C9orf85: variants seen among roughly 807,000 people sequenced by gnomAD.
The protein encoded by C9orf85 is chromosome 9 open reading frame 85, also known as uncharacterized protein C9orf85.
A neutral mutation model predicts 14.9 loss-of-function variants in C9orf85; 16 were observed. The ratio of observed to expected loss-of-function variants is 1.08; its 90% CI spans 0.73 to 1.63. The LOEUF is 1.63. Ranked by LOEUF, C9orf85 falls within the 40% of genes most tolerant of loss-of-function variation. C9orf85 has a pLI of 0.00. For missense variants in C9orf85, 172 were observed against 186.1 expected (o/e 0.92, Z 0.44); for synonymous variants, 45 against 56.8 (o/e 0.79, Z 0.93).
At chr9:71,970,519 T>A (rs1822830754) in intron 2 of C9orf85, among the ~76,000 whole-genome samples, 2 of 152,186 alleles carry the variant, frequency 1.3e-5, no homozygotes, top group African/African-American at 4.8e-5. Context: ...ATTTCCACTA[T>A]TTTGCCTGTA....
At position 71,958,264 on chromosome 9, in the gene C9orf85, A is replaced by G. The variant is rs928208311; in HGVS notation, c.209+11152A>G. Among the ~76,000 whole-genome samples the G allele has an allele frequency of 1.7e-4, 4 of 24,062 alleles. No individual in the cohort carries two copies. In the South Asian group the frequency reaches 8.7e-3, roughly 52 times the overall value. The allele number at this position is 24,062 out of a possible 152,430, so 15.8% of individuals were successfully genotyped here. On this transcript the variant is annotated intron_variant, in intron 2 of 3. Coordinates refer to ENST00000334731, the MANE Select transcript of C9orf85 (RefSeq NM_182505.5). ...ATATTTTTTATATTTTTATATATATAAATTTTTTTTTTTTTGAGACGGAGT... is the reference window on the plus strand; with the variant it reads ...ATATTTTTTATATTTTTATATATATGAATTTTTTTTTTTTTGAGACGGAGT...
At chr9:71,958,953 A>T (rs148873541) in intron 2 of C9orf85, among the ~76,000 whole-genome samples, 152 of 152,302 alleles carry the variant, frequency 1.0e-3, no homozygotes, top group African/African-American at 3.5e-3. Context: ...GTGTATGCAC[A>T]TTAAGTAAAT....
intron 1 of C9orf85, among the ~76,000 whole-genome samples, chr9:71,933,956 T>C (rs1332296934): frequency 6.6e-6 from 1 of 152,198 alleles, no homozygotes; most frequent in East Asian, 1.9e-4. Flanking sequence ...ATGACCTGTG[T>C]GCTCCCATTT....
At chr9:71,913,007 C>T (rs1564079670) in intron 1 of C9orf85, among the ~76,000 whole-genome samples, 1 of 152,142 alleles carries the variant, frequency 6.6e-6, no homozygotes, top group East Asian at 1.9e-4. Flanking sequence ...CTCAGATAAA[C>T]CTAATATTCA....
chr9:71,930,546 A>G (rs935150603), intron 1 of C9orf85, among the ~76,000 whole-genome samples: 3 of 151,684 alleles, frequency 2.0e-5, no homozygotes, highest in Admixed American at 6.6e-5. Flanking sequence ...TGTAATCCCA[A>G]CACTTTGGGA....
intron 1 of C9orf85, among the ~76,000 whole-genome samples, chr9:71,926,837 T>C (rs10781050): frequency 0.9 from 137,247 of 151,818 alleles, 63,511 homozygotes; most frequent in East Asian, 1. Flanking sequence ...AAATTTGATA[T>C]TTGGAGGCTC....
At chr9:71,976,452 G>A (rs574750773), downstream of C9orf85, among the ~76,000 whole-genome samples, 2 of 152,254 alleles carry the variant, frequency 1.3e-5, no homozygotes, top group South Asian at 4.1e-4. Context: ...CACGAGGTCA[G>A]GAGATCGAGA....
intron 1 of C9orf85, among the ~76,000 whole-genome samples, chr9:71,944,152 T>C (rs1440060877): frequency 6.6e-6 from 1 of 151,346 alleles, no homozygotes; most frequent in Non-Finnish European, 1.5e-5. Flanking sequence ...GAGGATTGCA[T>C]GAACCCAGGA....
intron 1 of C9orf85, among the ~76,000 whole-genome samples, chr9:71,946,665 C>T (rs370412406): frequency 1.3e-4 from 20 of 151,776 alleles, no homozygotes; most frequent in South Asian, 4.2e-4. Context: ...TGGTGGCACG[C>T]GCCTGTAATC....
At chr9:71,953,821 A>G (rs541348907) in intron 2 of C9orf85, among the ~76,000 whole-genome samples, 2 of 152,236 alleles carry the variant, frequency 1.3e-5, no homozygotes, top group South Asian at 4.2e-4. Context: ...GGAGGGAGGC[A>G]GGCACAGTCG....
chr9:71,911,712 G>A lies in C9orf85; in HGVS notation c.-23G>A, dbSNP rs1415549953. ...CCTCATCCTTTTGCCTGCTCCCGGC[G>A]AGGGGTGGCTTTGATTTCGGCGATG... On this transcript the variant is annotated 5_prime_UTR_variant, in exon 1 of 4. Transcript: ENST00000334731. 24 of 1,608,508 alleles carry A rather than the reference G, an allele frequency of 1.5e-5. No homozygotes were observed. The highest frequency in any genetic ancestry group is 2.0e-5 in the Non-Finnish European group (24 of 1,175,014).
At chr9:71,946,788 T>C (rs571157210) in intron 1 of C9orf85, among the ~76,000 whole-genome samples, 52 of 147,452 alleles carry the variant, frequency 3.5e-4, no homozygotes, top group African/African-American at 1.3e-3. Context: ...AGTGAGACTC[T>C]GTCTCAAAAA....
chr9:71,955,818 G>A (rs1026784305), intron 2 of C9orf85, among the ~76,000 whole-genome samples: 2 of 152,138 alleles, frequency 1.3e-5, no homozygotes, highest in African/African-American at 2.4e-5. Flanking sequence ...AGGTACCTGA[G>A]GAATAATGTA....
chr9:71,944,590 G>T (rs1234383916), intron 1 of C9orf85, among the ~76,000 whole-genome samples: 1 of 151,988 alleles, frequency 6.6e-6, no homozygotes, highest in Non-Finnish European at 1.5e-5. Flanking sequence ...CCAAAATAGG[G>T]TTAATTGTAA....
intron 2 of C9orf85, among the ~76,000 whole-genome samples, chr9:71,971,152 G>A (rs1221741030): frequency 6.6e-6 from 1 of 152,220 alleles, no homozygotes; most frequent in South Asian, 2.1e-4. Flanking sequence ...CAGTGTATTG[G>A]TCTTGCACTT....
chr9:71,973,010 T>C lies in C9orf85; in HGVS notation c.*168T>C. On this transcript the variant is annotated 3_prime_UTR_variant, in exon 4 of 4. Transcript: ENST00000334731. The stretch of plus-strand genomic sequence containing the variant: ...AGTACAAAAAATTAGCTGGGCGTGG[T>C]GGCTCATGCCTGTAATCCCAGCTAC... 1 of 357,828 alleles carries C rather than the reference T, an allele frequency of 2.8e-6. No individual in the cohort carries two copies. Among genetic ancestry groups the C allele is most frequent in the East Asian group, 5.4e-5 (1 of 18,634 alleles). 22.2% of individuals were successfully genotyped at this position (357,828 alleles called of 1,614,324 possible).
At chr9:71,921,928 T>TTATTA (rs1554705990) in intron 1 of C9orf85, among the ~76,000 whole-genome samples, 423 of 113,862 alleles carry the variant, frequency 3.7e-3, no homozygotes, top group African/African-American at 0.012. Context: ...TTATTTTTTT[T>TTATTA]TTATTATTAT....
At chr9:71,975,039 A>G (rs1196256002), downstream of C9orf85, among the ~76,000 whole-genome samples, 1 of 152,224 alleles carries the variant, frequency 6.6e-6, no homozygotes, top group Non-Finnish European at 1.5e-5. Context: ...ATTTCAGCAT[A>G]AAAAAAGTGC....
chr9:71,972,585 T>C (rs1822905089), intron 3 of C9orf85, 107 bp from the exon 4 acceptor site: 2 of 772,564 alleles, frequency 2.6e-6, no homozygotes, highest in South Asian at 4.1e-5. Context: ...ACTTACTTCA[T>C]TAGGTTTCTG....
Sources: allele counts gnomAD v4.1 joint callset (sites outside exome capture counted in the v4.1 genomes callset), GRCh38; gene constraint gnomAD v4.1.1; transcripts MANE v1.5; gene names NCBI Gene and HGNC (gene_info 2026-07-23, HGNC 2026-07-21).